The following HS3ST5 variants were observed in gnomAD, a reference collection of about 807,000 sequenced individuals.
HS3ST5 encodes heparan sulfate-glucosamine 3-sulfotransferase 5, also known as heparan sulfate glucosamine 3-O-sulfotransferase 5.
Under a neutral mutation model 25.4 loss-of-function variants are expected in HS3ST5, and 10 were observed. That is an observed-to-expected ratio of 0.39 (90% CI 0.24 to 0.67). The LOEUF (loss-of-function observed/expected upper bound fraction) is 0.67, where lower values mean the gene tolerates loss of function less well. Ranked by LOEUF, HS3ST5 falls within the 30% of genes least tolerant of loss-of-function variation. The probability of loss-of-function intolerance (pLI) is 0.44; values close to 1 mark genes in which losing one functional copy is unlikely to be tolerated. For synonymous variants in HS3ST5, 170 were observed against 162.4 expected (o/e 1.05, Z -0.36); for missense variants, 324 against 420.7 (o/e 0.77, Z 2.01).
intron 1 of HS3ST5, among the ~76,000 whole-genome samples, chr6:114,330,115 T>C (rs889436593): frequency 1.3e-5 from 2 of 152,160 alleles, no homozygotes; most frequent in African/African-American, 2.4e-5. Context: ...AAAATTTAGA[T>C]TATTCCAGAT....
chr6:114,168,586 A>T (rs905803070), intron 2 of HS3ST5, 124 bp from the exon 3 acceptor site: 3 of 152,198 alleles, frequency 2.0e-5, no homozygotes, highest in African/African-American at 7.2e-5. Flanking sequence ...GTGGATGATA[A>T]GAACATTTCT....
At chr6:114,152,509 T>C (rs1388415893) in intron 3 of HS3ST5, among the ~76,000 whole-genome samples, 1 of 152,198 alleles carries the variant, frequency 6.6e-6, no homozygotes, top group Non-Finnish European at 1.5e-5. Flanking sequence ...ATAATTCTGT[T>C]ACTACCTGAG....
chr6:114,165,411 C>T (rs1264248379), intron 3 of HS3ST5, among the ~76,000 whole-genome samples: 3 of 152,148 alleles, frequency 2.0e-5, no homozygotes, highest in Admixed American at 6.6e-5. Flanking sequence ...GTCTTTGTTT[C>T]ATTTTATTAC....
At chr6:114,258,755 A>C (rs960706029) in intron 1 of HS3ST5, among the ~76,000 whole-genome samples, 1 of 152,028 alleles carries the variant, frequency 6.6e-6, no homozygotes, top group Admixed American at 6.6e-5. Context: ...TCTTTTAACT[A>C]CCTGGAGTCC....
chr6:114,057,579 C>T lies in HS3ST5; in HGVS notation c.719G>A (p.Arg240Lys). 7 of 1,614,214 alleles carry T rather than the reference C, an allele frequency of 4.3e-6. No individual in the cohort carries two copies. Among genetic ancestry groups the T allele is most frequent in the Non-Finnish European group, 5.9e-6 (7 of 1,180,034 alleles). ...RTSIYTKHLE[R>K]WLKYFPIEQF... ...CTCAATTGGAAAGTATTTCAACCAC[C>T]TTTCCAGATGTTTGGTGTAGATGCT... is the stretch of plus-strand genomic sequence containing the variant. Residue 240 changes from arginine to lysine, a missense_variant, in exon 5 of 5, where the codon AGG (arginine) becomes AAG (lysine). By Grantham distance (26) the Arg-to-Lys change is conservative (BLOSUM62 2). This residue lies in a region of HS3ST5 where 203 missense variants were observed against 303.4 expected (regional missense o/e 0.67). Coordinates refer to ENST00000312719, the MANE Select transcript of HS3ST5 (RefSeq NM_153612.4).
intron 3 of HS3ST5, among the ~76,000 whole-genome samples, chr6:114,164,145 T>A (rs954864327): frequency 1.9e-4 from 2 of 10,576 alleles, no homozygotes; most frequent in Non-Finnish European, 1.5e-3. Context: ...TATGTAGGAT[T>A]TTTTTTGCTA....
chr6:114,226,894 AAAAG>A (rs1349942400), intron 2 of HS3ST5, among the ~76,000 whole-genome samples: 8 of 152,132 alleles, frequency 5.3e-5, no homozygotes, highest in East Asian at 1.9e-4. Context: ...TAATAAGAAA[AAAAG>A]AAAGAAAGAG....
intron 3 of HS3ST5, among the ~76,000 whole-genome samples, chr6:114,081,811 T>C (rs1057359177): frequency 4.6e-5 from 7 of 152,226 alleles, no homozygotes; most frequent in Non-Finnish European, 7.3e-5. Context: ...TTTATCCACA[T>C]TTATCAATAC....
chr6:114,057,697 C>G lies in HS3ST5; in HGVS notation c.601G>C (p.Glu201Gln). 3 of 1,614,138 alleles carry G rather than the reference C, an allele frequency of 1.9e-6. No homozygotes were observed. Among genetic ancestry groups the G allele is most frequent in the East Asian group, 2.2e-5 (1 of 44,874 alleles). Reference sequence around the variant, plus strand: ...TTGTAATAAGTTTTGTTCTTCCTCTCCTTCCCCTCTAGCACCTGAGTATAA... The same window carrying G: ...TTGTAATAAGTTTTGTTCTTCCTCTGCTTCCCCTCTAGCACCTGAGTATAA... ...SDYTQVLEGK[E>Q]RKNKTYYKFE... Residue 201 changes from glutamate to glutamine, a missense_variant, in exon 5 of 5, where the codon GAG becomes CAG. By Grantham distance (29) the Glu-to-Gln change is conservative (BLOSUM62 2). This residue lies in a region of HS3ST5 where 203 missense variants were observed against 303.4 expected (regional missense o/e 0.67). Transcript: ENST00000312719.
chr6:114,247,160 T>C (rs546622130), intron 1 of HS3ST5, among the ~76,000 whole-genome samples: 1 of 152,362 alleles, frequency 6.6e-6, no homozygotes, highest in Non-Finnish European at 1.5e-5. Flanking sequence ...TCTTTCTAAC[T>C]ATCCTTCTGA....
chr6:114,092,067 G>T (rs761675695), intron 3 of HS3ST5, among the ~76,000 whole-genome samples: 1 of 152,176 alleles, frequency 6.6e-6, no homozygotes, highest in African/African-American at 2.4e-5. Context: ...GATTCAACAG[G>T]CCAAAAAGAG....
At position 114,241,474 on chromosome 6, in the gene HS3ST5, T is replaced by A. The variant is rs551587273; in HGVS notation, c.-338-12696A>T. On this transcript the variant is annotated intron_variant, in intron 1 of 4. Coordinates refer to ENST00000312719, the MANE Select transcript of HS3ST5 (RefSeq NM_153612.4). Reference sequence around the variant, plus strand: ...TCTCTATTACCACTCACGTTTTTTATAAAGGAGATAAACACAGAGAAAAAC... The same window carrying A: ...TCTCTATTACCACTCACGTTTTTTAAAAAGGAGATAAACACAGAGAAAAAC... Among the ~76,000 whole-genome samples, 15 of 152,334 alleles carry A rather than the reference T, an allele frequency of 9.8e-5. No homozygotes were observed. The South Asian group carries it at 3.1e-3, about 32-fold the overall frequency.
intron 1 of HS3ST5, among the ~76,000 whole-genome samples, chr6:114,279,545 A>C (rs998632337): frequency 2.0e-5 from 3 of 152,038 alleles, no homozygotes; most frequent in African/African-American, 4.8e-5. Context: ...TAAATGATAA[A>C]AATGCCAAAT....
At chr6:114,122,590 AT>A (rs1776846557) in intron 3 of HS3ST5, among the ~76,000 whole-genome samples, 1 of 152,218 alleles carries the variant, frequency 6.6e-6, no homozygotes, top group Non-Finnish European at 1.5e-5. Context: ...TCTTACATTC[AT>A]AGCAATCCTT....
chr6:114,220,539 C>A (rs992536391), intron 2 of HS3ST5: 2 of 151,936 alleles, frequency 1.3e-5, no homozygotes, highest in African/African-American at 4.8e-5. Context: ...AAGCTCAGCA[C>A]TTTACTACTT....
intron 3 of HS3ST5, among the ~76,000 whole-genome samples, chr6:114,154,152 G>C (rs1042063693): frequency 1.3e-5 from 2 of 152,216 alleles, no homozygotes; most frequent in African/African-American, 4.8e-5. Context: ...GGAGATGTCT[G>C]AGTATTCAAG....
intron 1 of HS3ST5, among the ~76,000 whole-genome samples, chr6:114,324,705 C>T (rs1219774410): frequency 3.3e-5 from 5 of 152,200 alleles, no homozygotes; most frequent in African/African-American, 1.2e-4. Context: ...TGCACAAAGT[C>T]TATCGGTACC....
intron 2 of HS3ST5, among the ~76,000 whole-genome samples, chr6:114,224,032 T>C (rs1254557944): frequency 6.6e-6 from 1 of 151,682 alleles, no homozygotes; most frequent in African/African-American, 2.4e-5. Context: ...TCAGCATTTA[T>C]TATAGAGTCC....
At chr6:114,067,776 A>G (rs1773546134) in intron 3 of HS3ST5, among the ~76,000 whole-genome samples, 1 of 152,148 alleles carries the variant, frequency 6.6e-6, no homozygotes, top group African/African-American at 2.4e-5. Flanking sequence ...AAAAACTAAT[A>G]TTTTTATTGA....
Sources: allele counts gnomAD v4.1 joint callset (sites outside exome capture counted in the v4.1 genomes callset), GRCh38; gene constraint gnomAD v4.1.1; regional missense constraint gnomAD v4.1.1; transcripts MANE v1.5; gene names NCBI Gene and HGNC (gene_info 2026-07-23, HGNC 2026-07-21).